Variants in BABAM2 observed in about 807,000 individuals in gnomAD.
BABAM2 encodes BRISC and BRCA1 A complex member 2, also known as BRISC and BRCA1-A complex member 2.
BABAM2 carries 31 observed loss-of-function variants against 54.7 expected under a neutral mutation model. The observed-to-expected ratio is 0.57, with a 90% CI of 0.43 to 0.77. BABAM2 has a LOEUF of 0.77. BABAM2 is among the 30% of genes least tolerant of loss of function. BABAM2 has a pLI of 0.00. For synonymous variants in BABAM2, 167 were observed against 162.9 expected (o/e 1.03, Z -0.19); for missense variants, 364 against 455.8 (o/e 0.80, Z 1.83).
chr2:28,094,351 A>C (rs1666417494), intron 6 of BABAM2, among the ~76,000 whole-genome samples: 1 of 152,164 alleles, frequency 6.6e-6, no homozygotes, highest in African/African-American at 2.4e-5. Context: ...TAATACATTT[A>C]AAGGGATTTA....
intron 5 of BABAM2, among the ~76,000 whole-genome samples, chr2:28,032,712 A>G (rs1482395111): frequency 3.3e-5 from 5 of 152,128 alleles, no homozygotes; most frequent in Non-Finnish European, 7.4e-5. Flanking sequence ...GTGAAAACAG[A>G]TGCATATTGG....
At chr2:28,111,388 A>G (rs1558345660) in intron 6 of BABAM2, among the ~76,000 whole-genome samples, 1 of 152,110 alleles carries the variant, frequency 6.6e-6, no homozygotes, top group South Asian at 2.1e-4. Flanking sequence ...TTCTCTGTAT[A>G]TTCTGGATAT....
At chr2:28,005,969 C>T (rs1011104151) in intron 4 of BABAM2, among the ~76,000 whole-genome samples, 1 of 152,044 alleles carries the variant, frequency 6.6e-6, no homozygotes, top group Non-Finnish European at 1.5e-5. Flanking sequence ...CTTATCTAAA[C>T]AAATTGACAG....
intron 6 of BABAM2, among the ~76,000 whole-genome samples, chr2:28,116,937 AT>A (rs1668665879): frequency 6.6e-6 from 1 of 152,246 alleles, no homozygotes; most frequent in Non-Finnish European, 1.5e-5. Context: ...TAGTTGTTGC[AT>A]GATAAACTGG....
At chr2:28,133,080 GT>G (rs1182671251) in intron 7 of BABAM2, among the ~76,000 whole-genome samples, 2 of 152,160 alleles carry the variant, frequency 1.3e-5, no homozygotes, top group African/African-American at 4.8e-5. Context: ...TTAAGTAGAA[GT>G]TTTCAAAATG....
chr2:27,900,029 G>A (rs1462864365), intron 2 of BABAM2, among the ~76,000 whole-genome samples: 2 of 152,168 alleles, frequency 1.3e-5, no homozygotes, highest in Non-Finnish European at 2.9e-5. Context: ...CAGCCGAAGT[G>A]TGAATTTCTC....
At chr2:28,204,378 C>T (rs551520317) in intron 7 of BABAM2, among the ~76,000 whole-genome samples, 18 of 152,258 alleles carry the variant, frequency 1.2e-4, no homozygotes, top group African/African-American at 4.3e-4. Context: ...ATTCTAGAAC[C>T]GTTCTGATCT....
chr2:28,285,052 G>A (rs775640267), intron 10 of BABAM2, among the ~76,000 whole-genome samples: 3 of 152,150 alleles, frequency 2.0e-5, no homozygotes, highest in Non-Finnish European at 4.4e-5. Flanking sequence ...GAGGAATCAA[G>A]CCCAGATCTG....
intron 7 of BABAM2, among the ~76,000 whole-genome samples, chr2:28,205,923 C>G (rs1356979796): frequency 6.6e-6 from 1 of 152,090 alleles, no homozygotes; most frequent in Non-Finnish European, 1.5e-5. Flanking sequence ...TGCTGGCTTG[C>G]TTTTCAAATT....
intron 10 of BABAM2, among the ~76,000 whole-genome samples, chr2:28,265,777 C>T (rs2148146614): frequency 6.6e-6 from 1 of 152,256 alleles, no homozygotes; most frequent in Admixed American, 6.5e-5. Flanking sequence ...GGGACTCTCT[C>T]TAAGAATGTA....
intron 3 of BABAM2, among the ~76,000 whole-genome samples, chr2:27,963,484 A>AAG (rs1236578064): frequency 1.9e-4 from 28 of 151,208 alleles, no homozygotes; most frequent in African/African-American, 6.8e-4. Flanking sequence ...AAAAAAAAAA[A>AAG]AAAAAAAAAG....
intron 7 of BABAM2, among the ~76,000 whole-genome samples, chr2:28,137,861 C>T (rs1670685035): frequency 6.6e-6 from 1 of 152,050 alleles, no homozygotes; most frequent in African/African-American, 2.4e-5. Context: ...AAGTTCTATG[C>T]CTTATTTCTC....
intron 6 of BABAM2, among the ~76,000 whole-genome samples, chr2:28,096,985 T>C (rs901263730): frequency 6.6e-6 from 1 of 152,184 alleles, no homozygotes; most frequent in Non-Finnish European, 1.5e-5. Flanking sequence ...ATCAAGACTC[T>C]GTTTTCTGTG....
Position 27,979,222 on chromosome 2 carries a change from C to T in BABAM2, c.206-8771C>T, listed in dbSNP as rs149744194. On this transcript the variant is annotated intron_variant, in intron 3 of 11. Coordinates refer to ENST00000379624, the MANE Select transcript of BABAM2 (RefSeq NM_199191.3). ...TTTGTATTTTTTTGTTTAGTAGAGA[C>T]GTGGTTTCGCCATGTTAACCAGGCT... Among the ~76,000 whole-genome samples, 1,178 of 151,822 alleles carry T rather than the reference C, an allele frequency of 7.8e-3. 9 individuals are homozygous for T. The highest frequency in any genetic ancestry group is 0.012 in the Non-Finnish European group (821 of 67,916).
intron 2 of BABAM2, among the ~76,000 whole-genome samples, chr2:27,921,200 G>A (rs1870325): frequency 0.71 from 107,341 of 151,964 alleles, 38,832 homozygotes; most frequent in Middle Eastern, 0.83. Context: ...GTCAAGTTAC[G>A]GGGGGCTTGT....
chr2:28,198,696 T>C (rs770996162), intron 7 of BABAM2, among the ~76,000 whole-genome samples: 1 of 152,068 alleles, frequency 6.6e-6, no homozygotes, highest in Non-Finnish European at 1.5e-5. Flanking sequence ...AGAGATTAGA[T>C]CGTATAGTTG....
intron 4 of BABAM2, among the ~76,000 whole-genome samples, chr2:27,997,265 G>GTCGAATGCAGC (rs1553408969): frequency 1.3e-5 from 2 of 152,016 alleles, no homozygotes; most frequent in African/African-American, 4.8e-5. Context: ...GTTCTCTTGA[G>GTCGAATGCAGC]TTGTAATCAA....
intron 7 of BABAM2, among the ~76,000 whole-genome samples, chr2:28,167,030 G>A (rs1673751872): frequency 6.6e-6 from 1 of 152,176 alleles, no homozygotes; most frequent in Non-Finnish European, 1.5e-5. Flanking sequence ...GAAACCATGA[G>A]TTGCCGATAA....
chr2:27,979,114 AC>A (rs1018166709), intron 3 of BABAM2, among the ~76,000 whole-genome samples: 1 of 146,362 alleles, frequency 6.8e-6, no homozygotes, highest in South Asian at 2.1e-4. Flanking sequence ...TGCAACCTCC[AC>A]CCCCTGGATT....
Sources: allele counts gnomAD v4.1 joint callset (sites outside exome capture counted in the v4.1 genomes callset), GRCh38; gene constraint gnomAD v4.1.1; transcripts MANE v1.5; gene names NCBI Gene and HGNC (gene_info 2026-07-23, HGNC 2026-07-21).